Variants in MICAL2 observed in about 807,000 individuals in gnomAD.
The protein encoded by MICAL2 is microtubule associated monooxygenase, calponin and LIM domain containing 2.
Under a neutral mutation model 127.3 loss-of-function variants are expected in MICAL2, and 77 were observed. The observed-to-expected ratio is 0.60, with a 90% confidence interval of 0.50 to 0.73. MICAL2 has a LOEUF of 0.73. Ranked by LOEUF, MICAL2 falls within the 30% of genes least tolerant of loss-of-function variation. MICAL2 has a pLI of 0.00. For missense variants in MICAL2, 1,351 were observed against 1,434.4 expected (o/e 0.94, Z 0.94); for synonymous variants, 570 against 551.1 (o/e 1.03, Z -0.48).
chr11:12,318,889 A>G (rs945939986), intron 29 of MICAL2, among the ~76,000 whole-genome samples: 1 of 152,168 alleles, frequency 6.6e-6, no homozygotes, highest in Non-Finnish European at 1.5e-5. Flanking sequence ...GCCTCTAACC[A>G]TCTACCTCTT....
intron 15 of MICAL2, among the ~76,000 whole-genome samples, chr11:12,229,008 AG>A (rs1857850906): frequency 6.6e-6 from 1 of 152,114 alleles, no homozygotes; most frequent in East Asian, 1.9e-4. Context: ...CCAACAGGAC[AG>A]TGGGCTGGAA....
chr11:12,280,938 A>G (rs961661637), exon 2 of MICAL2: 18 of 398,978 alleles, frequency 4.5e-5, no homozygotes, highest in Non-Finnish European at 7.5e-5. Context: ...TCCAGCTCTG[A>G]CACAGAGTCT....
At chr11:12,208,218 TTTC>T (rs1472892460) in intron 5 of MICAL2, 79 bp downstream of exon 5, 1 of 1,160,110 alleles carries the variant, frequency 8.6e-7, no homozygotes, top group Non-Finnish European at 1.3e-6. Context: ...CCAAAGGGTG[TTTC>T]TGTAGGAGTT....
chr11:12,282,646 A>C (rs1337030037), intron 2 of MICAL2, among the ~76,000 whole-genome samples: 3 of 152,220 alleles, frequency 2.0e-5, no homozygotes, highest in African/African-American at 7.2e-5. Flanking sequence ...TCCAGCATTT[A>C]AAAGGAAACA....
chr11:12,190,267 A>G (rs936653511), intron 3 of MICAL2, among the ~76,000 whole-genome samples: 1 of 152,132 alleles, frequency 6.6e-6, no homozygotes, highest in Non-Finnish European at 1.5e-5. Flanking sequence ...TCTTCTGCAA[A>G]CACCCTGGGA....
chr11:12,211,555 C>T lies in MICAL2; in HGVS notation c.692-1700C>T, dbSNP rs1855474314. On this transcript the variant is annotated intron_variant, in intron 6 of 27. Coordinates refer to ENST00000683283, the MANE Select transcript of MICAL2 (RefSeq NM_001282663.2). ...GAGGTCTGCACCTGTGTGACAGGCACCTGGCCTTACACAAAGTACACAGCA... is the reference window on the plus strand; with the variant it reads ...GAGGTCTGCACCTGTGTGACAGGCATCTGGCCTTACACAAAGTACACAGCA... Among the ~76,000 whole-genome samples the T allele has an allele frequency of 2.0e-5, 3 of 152,154 alleles. No individual in the cohort carries two copies. In the South Asian group the frequency reaches 6.2e-4, roughly 32 times the overall value.
downstream of MICAL2, among the ~76,000 whole-genome samples, chr11:12,266,381 C>G (rs1458929106): frequency 6.6e-6 from 1 of 152,120 alleles, no homozygotes; most frequent in Non-Finnish European, 1.5e-5. Context: ...GTAAGTCGGT[C>G]AAGCAGAGTG....
chr11:12,248,395 T>C (rs1861062252), intron 21 of MICAL2, among the ~76,000 whole-genome samples: 1 of 152,200 alleles, frequency 6.6e-6, no homozygotes, highest in South Asian at 2.1e-4. Context: ...CAGCTCCCTA[T>C]CAGCCGTTAG....
chr11:12,273,621 C>T (rs1463895229), upstream of MICAL2, among the ~76,000 whole-genome samples: 3 of 150,742 alleles, frequency 2.0e-5, no homozygotes, highest in Non-Finnish European at 4.4e-5. Context: ...CTTCAGTCAT[C>T]TTCACAGGTG....
chr11:12,308,232 G>A (rs1864135076), intron 29 of MICAL2: 1 of 152,006 alleles, frequency 6.6e-6, no homozygotes, highest in Admixed American at 6.6e-5. Flanking sequence ...TTACAACTTT[G>A]TTTTTCTTAA....
chr11:12,180,349 A>ATATATATATATATATATTT (rs11403732), intron 3 of MICAL2, among the ~76,000 whole-genome samples: 156 of 139,662 alleles, frequency 1.1e-3, no homozygotes, highest in Non-Finnish European at 1.4e-3. Context: ...ATATGTATAT[A>ATATATATATATATATATTT]TTTTTTTTTT....
intron 7 of MICAL2, 83 bp downstream of exon 7, chr11:12,213,493 C>G: frequency 7.0e-7 from 1 of 1,430,606 alleles, no homozygotes; most frequent in Non-Finnish European, 9.4e-7. Context: ...TGCTGGCTTT[C>G]TGGGCTCTTG....
intron 2 of MICAL2, among the ~76,000 whole-genome samples, chr11:12,142,498 G>T (rs1047123091): frequency 8.5e-5 from 13 of 152,168 alleles, no homozygotes; most frequent in Non-Finnish European, 1.9e-4. Flanking sequence ...CCAGCAAAGG[G>T]CATGGATTAC....
At chr11:12,262,713 A>C (rs1004847539) in intron 27 of MICAL2, 176 bp downstream of exon 27, 1 of 604,328 alleles carries the variant, frequency 1.7e-6, no homozygotes, top group Non-Finnish European at 2.9e-6. Context: ...TCAGCTTGAG[A>C]CCCATGCCTG....
chr11:12,158,460 C>A (rs747203367), intron 2 of MICAL2, among the ~76,000 whole-genome samples: 19 of 151,724 alleles, frequency 1.3e-4, no homozygotes, highest in Non-Finnish European at 2.2e-4. Context: ...TCCATTGGTC[C>A]CACATCACAG....
At chr11:12,182,842 C>T (rs567594853) in intron 3 of MICAL2, among the ~76,000 whole-genome samples, 1 of 152,256 alleles carries the variant, frequency 6.6e-6, no homozygotes, top group South Asian at 2.1e-4. Context: ...AATGTGTAGG[C>T]CGATCCTCTG....
At chr11:12,125,229 C>T (rs552989084) in intron 1 of MICAL2, among the ~76,000 whole-genome samples, 5 of 152,350 alleles carry the variant, frequency 3.3e-5, no homozygotes, top group Admixed American at 2.6e-4. Flanking sequence ...GAATATTTCT[C>T]TTTATTTCAT....
chr11:12,350,325 ACCACTT>A (rs1939024757), intron 33 of MICAL2, among the ~76,000 whole-genome samples: 1 of 152,106 alleles, frequency 6.6e-6, no homozygotes, highest in African/African-American at 2.4e-5. Context: ...CATACCCCTG[ACCACTT>A]CCTGTGGCTT....
At chr11:12,113,076 T>C (rs916986315) in intron 1 of MICAL2, among the ~76,000 whole-genome samples, 2 of 152,156 alleles carry the variant, frequency 1.3e-5, no homozygotes, top group African/African-American at 4.8e-5. Context: ...GGTTAAACAT[T>C]GCTGATCCTA....
Sources: allele counts gnomAD v4.1 joint callset (sites outside exome capture counted in the v4.1 genomes callset), GRCh38; gene constraint gnomAD v4.1.1; transcripts MANE v1.5; gene names NCBI Gene and HGNC (gene_info 2026-07-23, HGNC 2026-07-21).